Variants in CACNA1B observed in about 807,000 individuals in gnomAD.
The protein encoded by CACNA1B is voltage-dependent N-type calcium channel subunit alpha-1B.
CACNA1B carries 70 observed loss-of-function variants against 247.2 expected under a neutral mutation model. The ratio of observed to expected loss-of-function variants is 0.28; its 90% CI spans 0.23 to 0.35. The LOEUF (loss-of-function observed/expected upper bound fraction) is 0.35, where lower values mean the gene tolerates loss of function less well. Ranked by LOEUF, CACNA1B falls within the 10% of genes least tolerant of loss-of-function variation. The pLI, the probability that CACNA1B is intolerant of heterozygous loss-of-function variation, is 1.00. For synonymous variants in CACNA1B, 1,231 were observed against 1,294.4 expected, an observed-to-expected ratio of 0.95 and a Z score of 1.05; for missense variants, 2,367 against 3,197.4, an observed-to-expected ratio of 0.74 and a Z score of 6.26.
At chr9:138,042,212 G>T (rs1015849279) in intron 20 of CACNA1B, among the ~76,000 whole-genome samples, 2 of 152,214 alleles carry the variant, frequency 1.3e-5, no homozygotes, top group African/African-American at 2.4e-5. Context: ...CAGTTTGGGA[G>T]GCCAAGAAGG....
rs1371239018 is a variant in CACNA1B at position 137,990,130 on chromosome 9, A to G, written c.1974+3276A>G. ...GTTGGGGGTGGGCACGGTAGGAGTG[A>G]GACCAGCCTTTTGGACTGCGGGCTG... On this transcript the variant is annotated intron_variant, in intron 15 of 46. Transcript: ENST00000371372. This position sits in a 1 kb window ranked among gnomAD's most constrained non-coding sequence, Gnocchi z 4.5. Among the ~76,000 whole-genome samples, 1 of 152,154 alleles carries G rather than the reference A, an allele frequency of 6.6e-6. No individual in the cohort carries two copies. The highest frequency in any genetic ancestry group is 1.5e-5 in the Non-Finnish European group (1 of 68,018).
At chr9:137,970,786 A>G (rs78382268) in intron 10 of CACNA1B, among the ~76,000 whole-genome samples, 4,218 of 152,300 alleles carry the variant, frequency 0.028, 93 homozygotes, top group Middle Eastern at 0.071. Context: ...TTGGGTGGTG[A>G]GCAGGGTAGA....
In CACNA1B at chr9:138,075,880, C is replaced by T. The variant is rs748495922; in HGVS notation, c.4919C>T (p.Thr1640Met). Residue 1640 changes from threonine (T) to methionine (M), a missense_variant, in exon 35 of 47, where the codon ACG becomes ATG. Physicochemically the swap from Thr to Met is moderately conservative, Grantham distance 81. Transcript: ENST00000371372. Reference sequence around the variant, plus strand: ...ATCAACCGCCACAACAACTTCCGGACGTTTTTGCAAGCCCTGATGCTGCTG... The same window carrying T: ...ATCAACCGCCACAACAACTTCCGGATGTTTTTGCAAGCCCTGATGCTGCTG... ...TSINRHNNFR[T>M]FLQALMLLFR... 3 of 1,612,472 alleles carry T rather than the reference C, an allele frequency of 1.9e-6. No individual in the cohort carries two copies. The highest frequency in any genetic ancestry group is 2.2e-5 in the East Asian group (1 of 44,852).
chr9:137,895,043 A>C (rs1957157751), intron 3 of CACNA1B, among the ~76,000 whole-genome samples: 1 of 151,846 alleles, frequency 6.6e-6, no homozygotes, highest in African/African-American at 2.4e-5. Flanking sequence ...TAGGTTGAGG[A>C]GTTTGTTTTG....
In CACNA1B at chr9:138,087,981, A is replaced by G. The variant is rs186710932; in HGVS notation, c.5095-8503A>G. ...AGGAACTAGGAATAAAACCCAAACC[A>G]GGCCGAAAATTAGTAGAGGAACAAA... On this transcript the variant is annotated intron_variant, in intron 36 of 46. Coordinates refer to ENST00000371372, the MANE Select transcript of CACNA1B (RefSeq NM_000718.4). 3.9e-5 allele frequency among the ~76,000 whole-genome samples: 6 copies of G among 152,224 alleles called. No homozygotes were observed. The East Asian group carries it at 1.2e-3, about 29-fold the overall frequency.
At chr9:138,066,834 T>G (rs1258512519) in intron 31 of CACNA1B, among the ~76,000 whole-genome samples, 1 of 151,986 alleles carries the variant, frequency 6.6e-6, no homozygotes, top group Non-Finnish European at 1.5e-5. Flanking sequence ...CTTTAAAAGT[T>G]AGAAAAAGAA....
chr9:138,003,027 G>T (rs957469502), intron 15 of CACNA1B, among the ~76,000 whole-genome samples: 1 of 151,094 alleles, frequency 6.6e-6, no homozygotes, highest in East Asian at 2.0e-4. Context: ...TTGAACTCCT[G>T]ACCTTGTGAT....
Position 138,102,616 on chromosome 9 carries a change from G to T in CACNA1B, c.5223-95G>T, listed in dbSNP as rs1443387498. On this transcript the variant is annotated intron_variant, in intron 37 of 46. Transcript: ENST00000371372. This position sits in a 1 kb window ranked among gnomAD's most constrained non-coding sequence, Gnocchi z 5.4. ...CTGTTTTCTTGTCTGCTTCCTCCCTGCCCCTACCCCGCTCCCCTCCCCGCT... is the reference window on the plus strand; with the variant it reads ...CTGTTTTCTTGTCTGCTTCCTCCCTTCCCCTACCCCGCTCCCCTCCCCGCT... 3 of 574,550 alleles carry T rather than the reference G, an allele frequency of 5.2e-6. No homozygotes were observed. The highest frequency in any genetic ancestry group is 9.4e-6 in the Non-Finnish European group (3 of 319,960). The allele number at this position is 574,550 out of a possible 1,614,324, so 35.6% of individuals were successfully genotyped here.
rs1350466744 is a variant in CACNA1B, at chr9:138,047,659, C to T, written c.3603+201C>T. 3.9e-5 allele frequency among the ~76,000 whole-genome samples: 6 copies of T among 152,190 alleles called. No individual in the cohort carries two copies. In the East Asian group the frequency reaches 7.7e-4, roughly 20 times the overall value. On this transcript the variant is annotated intron_variant, in intron 23 of 46. Coordinates refer to ENST00000371372, the MANE Select transcript of CACNA1B (RefSeq NM_000718.4). ...GTCGTTCACTGAGAAAATTACTTCC[C>T]GCGCTGGGAGTGCTCCCCAGTGTCG...
At chr9:138,030,701 G>A (rs574855106) in intron 20 of CACNA1B, among the ~76,000 whole-genome samples, 24 of 152,068 alleles carry the variant, frequency 1.6e-4, no homozygotes, top group Non-Finnish European at 3.5e-4. Flanking sequence ...TGCCAATGAA[G>A]CATTTCTTTT....
In CACNA1B at chr9:138,122,013, G is replaced by A. The variant is rs200188127; in HGVS notation, c.*14G>A. On this transcript the variant is annotated 3_prime_UTR_variant, in exon 47 of 47. Transcript: ENST00000371372. ...CACTGGTGCTAGCTGCACCGTGACC[G>A]CTCAGACGCCTGCATGCAGCAGGCG... The A allele has an allele frequency of 7.2e-4, 1,148 of 1,585,348 alleles. 4 individuals are homozygous for A. The African/African-American group carries it at 8.2e-3, about 11-fold the overall frequency.
chr9:138,035,719 G>A (rs1424634723), intron 20 of CACNA1B, among the ~76,000 whole-genome samples: 1 of 151,930 alleles, frequency 6.6e-6, no homozygotes, highest in East Asian at 1.9e-4. Flanking sequence ...TGTTTCACCA[G>A]TTTCTGTTCT....
At chr9:138,069,801 TGCTTTGCTC>T in intron 32 of CACNA1B, 38 bp downstream of exon 32, 1 of 1,596,170 alleles carries the variant, frequency 6.3e-7, no homozygotes, top group Non-Finnish European at 8.6e-7. Flanking sequence ...TGCAAGTCCT[TGCTTTGCTC>T]GCTCTGCTCC....
intron 3 of CACNA1B, among the ~76,000 whole-genome samples, chr9:137,911,938 G>A (rs1957364250): frequency 6.6e-6 from 1 of 152,186 alleles, no homozygotes; most frequent in Non-Finnish European, 1.5e-5. Flanking sequence ...TGACTGGTGC[G>A]ATCCGCTGAG....
intron 36 of CACNA1B, among the ~76,000 whole-genome samples, chr9:138,091,377 A>C (rs2131336101): frequency 6.6e-6 from 1 of 152,342 alleles, no homozygotes; most frequent in African/African-American, 2.4e-5. Flanking sequence ...TGGTTACTAG[A>C]GGCAGGGAAG....
intron 18 of CACNA1B, 148 bp from the exon 19 acceptor site, chr9:138,022,863 G>A (rs1958865293): frequency 7.7e-6 from 8 of 1,042,550 alleles, no homozygotes; most frequent in Non-Finnish European, 1.0e-5. Flanking sequence ...CACCTGATCC[G>A]CGTCCCCCGA....
intron 18 of CACNA1B, among the ~76,000 whole-genome samples, chr9:138,016,234 C>T (rs1233551972): frequency 6.6e-6 from 1 of 152,216 alleles, no homozygotes; most frequent in African/African-American, 2.4e-5. Flanking sequence ...GAAGCCAGAG[C>T]CTGTGGGCAA....
At chr9:137,995,840 A>G (rs1456847839) in intron 15 of CACNA1B, among the ~76,000 whole-genome samples, 3 of 152,230 alleles carry the variant, frequency 2.0e-5, no homozygotes, top group African/African-American at 7.2e-5. Flanking sequence ...AAAACAAACA[A>G]TCTCATTAAA....
intron 3 of CACNA1B, among the ~76,000 whole-genome samples, chr9:137,904,523 C>T (rs553613624): frequency 6.6e-6 from 1 of 151,898 alleles, no homozygotes; most frequent in East Asian, 1.9e-4. Flanking sequence ...TGCCACCATG[C>T]CTGGCTAATT....
Sources: allele counts gnomAD v4.1 joint callset (sites outside exome capture counted in the v4.1 genomes callset), GRCh38; gene constraint gnomAD v4.1.1; non-coding constraint Gnocchi (gnomAD v3.1); transcripts MANE v1.5; gene names NCBI Gene and HGNC (gene_info 2026-07-23, HGNC 2026-07-21).